The following SP3 variants were observed in gnomAD, a reference collection of about 807,000 sequenced individuals.
SP3 encodes Sp3 transcription factor, also known as transcription factor Sp3.
In SP3, 10 loss-of-function variants were observed where a neutral mutation model predicts 70.3. The observed-to-expected ratio is 0.14, with a 90% CI of 0.09 to 0.24. The LOEUF (loss-of-function observed/expected upper bound fraction) is 0.24. SP3 is among the 10% of genes least tolerant of loss of function. SP3 has a pLI of 1.00. For missense variants in SP3, 825 were observed against 914.6 expected (o/e 0.90, Z 1.26); for synonymous variants, 402 against 333.5 (o/e 1.21, Z -2.24).
chr2:173,956,232 T>C lies in SP3; in HGVS notation c.280A>G (p.Thr94Ala). ...AAGAPAAAGA[T>A]GDLASAQLGG... ...AACTGTGCAGAAGCCAAATCACCTG[T>C]CTGGATGAAGAAAACAAAAAGGTGA... The change falls in exon 4 of 7, where the codon ACA becomes GCA. Residue 94 changes from threonine to alanine, a missense_variant and splice_region_variant. Physicochemically the swap from Thr to Ala is moderately conservative, Grantham distance 58 (BLOSUM62 0). This residue lies in a region of SP3 where 678 missense variants were observed against 651.6 expected (regional missense o/e 1.04). Transcript: ENST00000310015. The C allele has an allele frequency of 6.3e-7, 1 of 1,577,696 alleles. No homozygotes were observed. Among genetic ancestry groups the C allele is most frequent in the Non-Finnish European group, 8.6e-7 (1 of 1,162,318 alleles).
chr2:173,939,113 A>G (rs1690291080), intron 4 of SP3, among the ~76,000 whole-genome samples: 1 of 152,208 alleles, frequency 6.6e-6, no homozygotes. Context: ...TTAGATTATG[A>G]GCACCTTTAG....
chr2:173,946,721 C>CTTT lies in SP3; in HGVS notation c.1639+8149_1639+8151dup, dbSNP rs35419725. ...TGTGTGGCTAAAAAGAAAGATCTGCCTTTTTTTTTTTTTTTTTTTAAGACA... is the reference window on the plus strand; with the variant it reads ...TGTGTGGCTAAAAAGAAAGATCTGCCTTTTTTTTTTTTTTTTTTTTTTAAGACA... On this transcript the variant is annotated intron_variant, in intron 4 of 6. Coordinates refer to ENST00000310015, the MANE Select transcript of SP3 (RefSeq NM_003111.5). Among the ~76,000 whole-genome samples, 357 of 129,242 alleles carry CTTT rather than the reference C, an allele frequency of 2.8e-3. 3 individuals are homozygous for CTTT. Among genetic ancestry groups the CTTT allele is most frequent in the African/African-American group, 9.6e-3 (332 of 34,706 alleles). The allele number at this position is 129,242 out of a possible 152,430, so 84.8% of individuals were successfully genotyped here.
At chr2:173,924,600 T>C (rs72911152) in intron 4 of SP3, among the ~76,000 whole-genome samples, 10,793 of 152,278 alleles carry the variant, frequency 0.071, 576 homozygotes, top group African/African-American at 0.14. Context: ...TAATATTATT[T>C]TCCCCCTCCT....
At chr2:173,924,032 A>G (rs1209917263) in intron 4 of SP3, among the ~76,000 whole-genome samples, 7 of 152,064 alleles carry the variant, frequency 4.6e-5, no homozygotes, top group Non-Finnish European at 1.0e-4. Flanking sequence ...AAAGAAGTTA[A>G]CACTTTAGGG....
Position 173,919,845 on chromosome 2 carries a change from T to C in SP3, c.1640-1060A>G, listed in dbSNP as rs139455358. Among the ~76,000 whole-genome samples, 325 of 152,150 alleles carry C rather than the reference T, an allele frequency of 2.1e-3. 3 individuals are homozygous for C. Among genetic ancestry groups the C allele is most frequent in the African/African-American group, 7.5e-3 (313 of 41,502 alleles). Reference sequence around the variant, plus strand: ...ATATATACCCTATAGCTCAAACAATTTCCCCCTAGGTACACAACCTACAGA... The same window carrying C: ...ATATATACCCTATAGCTCAAACAATCTCCCCCTAGGTACACAACCTACAGA... On this transcript the variant is annotated intron_variant, in intron 4 of 6. Transcript: ENST00000310015.
chr2:173,915,469 C>G (rs569387370), intron 5 of SP3: 3 of 152,064 alleles, frequency 2.0e-5, no homozygotes, highest in African/African-American at 4.8e-5. Flanking sequence ...ACCACTAATG[C>G]CTATAATATA....
Position 173,906,725 on chromosome 2 carries a change from G to C in SP3, c.*3216C>G, listed in dbSNP as rs551926428. 7.9e-5 allele frequency: 12 copies of C among 152,216 alleles called. No individual in the cohort carries two copies. Among genetic ancestry groups the C allele is most frequent in the Admixed American group, 4.6e-4 (7 of 15,284 alleles). 9.4% of individuals were successfully genotyped at this position (152,216 alleles called of 1,614,324 possible). A position where few individuals can be genotyped will look rare whatever the true frequency, so the allele number is the denominator to read the frequency against. ...GTACTGGAATTTAAACTACAATTAAGAGCCTAAGGGGATGCTTGCTCTATT... is the reference window on the plus strand; with the variant it reads ...GTACTGGAATTTAAACTACAATTAACAGCCTAAGGGGATGCTTGCTCTATT... On this transcript the variant is annotated 3_prime_UTR_variant, in exon 7 of 7. Coordinates refer to ENST00000310015, the MANE Select transcript of SP3 (RefSeq NM_003111.5).
chr2:173,950,062 A>G (rs774587437), intron 4 of SP3, among the ~76,000 whole-genome samples: 12 of 152,164 alleles, frequency 7.9e-5, no homozygotes, highest in African/African-American at 1.7e-4. Context: ...GTTTCCTAAA[A>G]CAGCATGCAT....
Position 173,906,471 on chromosome 2 carries a change from A to G in SP3, c.*3470T>C, listed in dbSNP as rs919938656. The G allele has an allele frequency of 2.6e-5, 4 of 152,240 alleles. No individual in the cohort carries two copies. The highest frequency in any genetic ancestry group is 5.9e-5 in the Non-Finnish European group (4 of 68,042). 9.4% of individuals were successfully genotyped at this position (152,240 alleles called of 1,614,324 possible). A position where few individuals can be genotyped will look rare whatever the true frequency, so the allele number is the denominator to read the frequency against. On this transcript the variant is annotated 3_prime_UTR_variant, in exon 7 of 7. Transcript: ENST00000310015. Reference sequence around the variant, plus strand: ...TCATTCATGGCAGTCAGTTTTAAACATACTGTTTAGTGAAAAATAATTCTT... The same window carrying G: ...TCATTCATGGCAGTCAGTTTTAAACGTACTGTTTAGTGAAAAATAATTCTT...
intron 2 of SP3, 140 bp downstream of exon 2, chr2:173,964,265 A>C (rs1171899472): frequency 3.4e-5 from 16 of 469,558 alleles, no homozygotes; most frequent in Admixed American, 4.6e-5. Context: ...TCGGGCGGGC[A>C]GCTCCCGGGG....
intron 4 of SP3, 73 bp from the exon 5 acceptor site, chr2:173,918,858 G>T: frequency 7.6e-7 from 1 of 1,318,004 alleles, no homozygotes; most frequent in Non-Finnish European, 1.0e-6. Flanking sequence ...GAAATTACAT[G>T]TCTTCTCCCA....
Position 173,904,068 on chromosome 2 carries a change from G to A in SP3, c.*5873C>T, listed in dbSNP as rs940762041. Among the ~76,000 whole-genome samples the A allele has an allele frequency of 6.6e-6, 1 of 152,094 alleles. No individual in the cohort carries two copies. Among genetic ancestry groups the A allele is most frequent in the East Asian group, 1.9e-4 (1 of 5,188 alleles). The stretch of plus-strand genomic sequence containing the variant: ...ATCAGACATTAGATTCTCTTAAGGA[G>A]GGCACTACCTAGATCCCTCGCATGC... On this transcript the variant is annotated 3_prime_UTR_variant, in exon 7 of 7. Transcript: ENST00000310015.
intron 4 of SP3, among the ~76,000 whole-genome samples, chr2:173,951,017 A>G (rs572187297): frequency 6.4e-4 from 97 of 152,348 alleles, no homozygotes; most frequent in Non-Finnish European, 1.1e-3. Context: ...GGCAACATTC[A>G]ATAAACTAAA....
intron 4 of SP3, among the ~76,000 whole-genome samples, chr2:173,946,865 G>A (rs73028265): frequency 0.033 from 4,963 of 150,994 alleles, 140 homozygotes; most frequent in Admixed American, 0.1. Context: ...GCGACTACAG[G>A]TGTGTACCAC....
In SP3 at chr2:173,954,927, T is replaced by G. The variant is rs557733344; in HGVS notation, c.1585A>C (p.Ile529Leu). The G allele has an allele frequency of 1.9e-6, 3 of 1,614,060 alleles. No individual in the cohort carries two copies. The highest frequency in any genetic ancestry group is 1.3e-5 in the African/African-American group (1 of 74,928). Reference sequence around the variant, plus strand: ...TGTAGCTGTATACCAGCAGAATCTATAGAGTTCACTGTAACTGTTTGTAGA... The same window carrying G: ...TGTAGCTGTATACCAGCAGAATCTAGAGAGTTCACTGTAACTGTTTGTAGA... ...PNLQTVTVNS[I>L]DSAGIQLHPG... Residue 529 changes from isoleucine to leucine, a missense_variant, in exon 4 of 7, where the codon ATA (isoleucine) becomes CTA (leucine). Ile to Leu is a conservative substitution (Grantham distance 5, BLOSUM62 2). Transcript: ENST00000310015.
intron 3 of SP3, among the ~76,000 whole-genome samples, chr2:173,957,575 G>A (rs929871573): frequency 5.9e-5 from 9 of 152,224 alleles, no homozygotes; most frequent in African/African-American, 1.9e-4. Context: ...TATTCATAGA[G>A]GAAAGTAATG....
In SP3 at chr2:173,904,502, A is replaced by T. The variant is rs1315998028; in HGVS notation, c.*5439T>A. ...TGAAATGCAGATAGTGAAATGCAAG[A>T]CACTGGAACAAACACTGCCAAGTTA... On this transcript the variant is annotated 3_prime_UTR_variant, in exon 7 of 7. Transcript: ENST00000310015. 6.6e-6 allele frequency among the ~76,000 whole-genome samples: 1 copy of T among 152,198 alleles called. No individual in the cohort carries two copies. The highest frequency in any genetic ancestry group is 2.4e-5 in the African/African-American group (1 of 41,454).
In SP3 at chr2:173,934,495, A is replaced by C. The variant is rs576894475; in HGVS notation, c.1640-15710T>G. ...AGCAGGAAATAAATGACATAATGTT[A>C]ATCAAAACTAAAGATATTTTCACCA... On this transcript the variant is annotated intron_variant, in intron 4 of 6. Transcript: ENST00000310015. 3.9e-5 allele frequency among the ~76,000 whole-genome samples: 6 copies of C among 152,178 alleles called. No individual in the cohort carries two copies. In the South Asian group the frequency reaches 1.2e-3, roughly 32 times the overall value.
chr2:173,913,057 A>T lies in SP3; in HGVS notation c.2029+13T>A. 1 of 1,536,460 alleles carries T rather than the reference A, an allele frequency of 6.5e-7. No individual in the cohort carries two copies. Among genetic ancestry groups the T allele is most frequent in the Non-Finnish European group, 8.8e-7 (1 of 1,135,858 alleles). ...TAATTCATTTTTGTCTGTTAAAAGTAAGTATTAGTAACCTGTATGTGTTCT... is the reference window on the plus strand; with the variant it reads ...TAATTCATTTTTGTCTGTTAAAAGTTAGTATTAGTAACCTGTATGTGTTCT... On this transcript the variant is annotated intron_variant, in intron 6 of 6. Transcript: ENST00000310015.
Sources: gnomAD v4.1 joint callset for allele counts (sites outside exome capture counted in the v4.1 genomes callset) on GRCh38, gnomAD v4.1.1 for gene constraint, gnomAD v4.1.1 regional missense constraint, MANE v1.5 for transcripts, NCBI Gene and HGNC (gene_info 2026-07-23, HGNC 2026-07-21) for gene names.